C5orf24: variants seen among roughly 807,000 people sequenced by gnomAD.
C5orf24 encodes the protein chromosome 5 open reading frame 24.
C5orf24 carries 4 observed loss-of-function variants against 9.8 expected under a neutral mutation model. That is an observed-to-expected ratio of 0.41 (90% CI 0.20 to 0.93). The LOEUF is 0.93. Ranked by LOEUF, C5orf24 falls within the 40% of genes least tolerant of loss-of-function variation. The pLI is 0.33. For synonymous variants in C5orf24, 73 were observed against 81.3 expected, an observed-to-expected ratio of 0.90 and a Z score of 0.55; for missense variants, 170 against 236.9, an observed-to-expected ratio of 0.72 and a Z score of 1.85.
At chr5:134,837,932 T>C in the C5orf24 span, among the ~76,000 whole-genome samples, 1 of 152,196 alleles carries the variant, frequency 6.6e-6, no homozygotes, top group Non-Finnish European at 1.5e-5. Flanking sequence ...TTCATTTTTT[T>C]CCTATGTATA....
chr5:134,850,755 G>A (rs908116975), intron 1 of C5orf24, among the ~76,000 whole-genome samples: 1 of 151,868 alleles, frequency 6.6e-6, no homozygotes, highest in Non-Finnish European at 1.5e-5. Context: ...GGGATTAGAG[G>A]CATGAGTCAC....
the C5orf24 span, among the ~76,000 whole-genome samples, chr5:134,836,192 G>C: frequency 1.3e-4 from 2 of 15,876 alleles, no homozygotes; most frequent in African/African-American, 2.7e-4. Context: ...TTTTTTTTTT[G>C]AGACAGAGTT....
In C5orf24 at chr5:134,850,937, T is replaced by TATATACACAC. The variant is rs762710710; in HGVS notation, c.-3-3960_-3-3959insTATACACACA. Among the ~76,000 whole-genome samples, 55 of 147,052 alleles carry TATATACACAC rather than the reference T, an allele frequency of 3.7e-4. No homozygotes were observed. The East Asian group carries it at 4.3e-3, about 12-fold the overall frequency. On this transcript the variant is annotated intron_variant, in intron 1 of 1. Coordinates refer to ENST00000394976, the MANE Select transcript of C5orf24 (RefSeq NM_001135586.1). ...GAATGTTCATATATATATATATATA[T>TATATACACAC]ACACACACACACACACACTACACAC... is the stretch of plus-strand genomic sequence containing the variant.
chr5:134,859,333 G>C lies in C5orf24; in HGVS notation c.*3866G>C, dbSNP rs1335666681. 1 of 166,886 alleles carries C rather than the reference G, an allele frequency of 6.0e-6. No individual in the cohort carries two copies. The highest frequency in any genetic ancestry group is 1.5e-5 in the Non-Finnish European group (1 of 68,070). The allele number at this position is 166,886 out of a possible 1,614,324, so 10.3% of individuals were successfully genotyped here. On this transcript the variant is annotated 3_prime_UTR_variant, in exon 2 of 2. Coordinates refer to ENST00000394976, the MANE Select transcript of C5orf24 (RefSeq NM_001135586.1). ...TTTTATTACAGCTTAACTGTATGCT[G>C]TTAAACTCTAGGATGTATCTGAATC... is the stretch of plus-strand genomic sequence containing the variant.
intron 1 of C5orf24, 142 bp from the exon 2 acceptor site, chr5:134,854,756 T>C (rs1756262618): frequency 1.4e-6 from 1 of 726,744 alleles, no homozygotes; most frequent in Non-Finnish European, 2.2e-6. Flanking sequence ...TGTTTATAAG[T>C]GGTCTGGAGT....
chr5:134,850,534 G>A (rs1249159279), intron 1 of C5orf24, among the ~76,000 whole-genome samples: 3 of 146,326 alleles, frequency 2.1e-5, no homozygotes, highest in East Asian at 4.1e-4. Context: ...GTGCAATGTT[G>A]CGATCTTGGC....
At chr5:134,843,075 C>G (rs1269848843), upstream of C5orf24, among the ~76,000 whole-genome samples, 5 of 151,642 alleles carry the variant, frequency 3.3e-5, no homozygotes, top group African/African-American at 1.2e-4. Context: ...CTCTGGGGTT[C>G]AAGTGATTCT....
At chr5:134,845,096 G>A (rs1056702114), upstream of C5orf24, among the ~76,000 whole-genome samples, 1 of 152,214 alleles carries the variant, frequency 6.6e-6, no homozygotes, top group Non-Finnish European at 1.5e-5. Flanking sequence ...TCTGTCTCCA[G>A]TCCCTCAGTA....
chr5:134,859,080 C>G lies in C5orf24; in HGVS notation c.*3613C>G, dbSNP rs371291842. ...GTTGACCCATTCAGTGTAAAAATAA[C>G]CATAGTGTGTGAGCTAAAGAAAAAA... On this transcript the variant is annotated 3_prime_UTR_variant, in exon 2 of 2. Transcript: ENST00000394976. The G allele has an allele frequency of 2.4e-5, 4 of 166,482 alleles. No individual in the cohort carries two copies. In the South Asian group the frequency reaches 8.3e-4, roughly 35 times the overall value. 10.3% of individuals were successfully genotyped at this position (166,482 alleles called of 1,614,324 possible).
intron 1 of C5orf24, among the ~76,000 whole-genome samples, chr5:134,852,461 G>A (rs1756183557): frequency 6.6e-6 from 1 of 152,188 alleles, no homozygotes; most frequent in South Asian, 2.1e-4. Flanking sequence ...AACAGAATTT[G>A]ATTCTGTGAC....
upstream of C5orf24, among the ~76,000 whole-genome samples, chr5:134,844,469 G>A (rs557329686): frequency 1.3e-5 from 2 of 152,046 alleles, no homozygotes; most frequent in African/African-American, 4.8e-5. Context: ...CTCAGCCTCC[G>A]TAGCAGCTGG....
intron 1 of C5orf24, among the ~76,000 whole-genome samples, chr5:134,850,137 G>A (rs77318516): frequency 0.019 from 2,952 of 152,116 alleles, 106 homozygotes; most frequent in African/African-American, 0.068. Flanking sequence ...TGAAGAAATG[G>A]AGATATGTGG....
Position 134,850,994 on chromosome 5 carries a change from A to ATATTTATTTATT in C5orf24, c.-3-3874_-3-3863dup, listed in dbSNP as rs34043118. 1.9e-4 allele frequency among the ~76,000 whole-genome samples: 28 copies of ATATTTATTTATT among 147,600 alleles called. No individual in the cohort carries two copies. In the East Asian group the frequency reaches 2.2e-3, roughly 11 times the overall value. Reference sequence around the variant, plus strand: ...ATATTTTATACATACAGAAATACATATATTTATTTATTTATTTATTTATTT... The same window carrying ATATTTATTTATT: ...ATATTTTATACATACAGAAATACATATATTTATTTATTTATTTATTTATTTATTTATTTATTT... On this transcript the variant is annotated intron_variant, in intron 1 of 1. Transcript: ENST00000394976.
At position 134,857,852 on chromosome 5, in the gene C5orf24, T is replaced by C. The variant is rs1206797255; in HGVS notation, c.*2385T>C. On this transcript the variant is annotated 3_prime_UTR_variant, in exon 2 of 2. Coordinates refer to ENST00000394976, the MANE Select transcript of C5orf24 (RefSeq NM_001135586.1). ...AAGATTTGATTATTGTGTTTTATAG[T>C]AAGTCCATTTGACATTTATTTCCCT... 2 of 167,944 alleles carry C rather than the reference T, an allele frequency of 1.2e-5. No homozygotes were observed. Among genetic ancestry groups the C allele is most frequent in the African/African-American group, 4.8e-5 (2 of 41,504 alleles). 10.4% of individuals were successfully genotyped at this position (167,944 alleles called of 1,614,324 possible).
intron 1 of C5orf24, among the ~76,000 whole-genome samples, chr5:134,852,546 T>C (rs1283463416): frequency 2.0e-5 from 3 of 152,258 alleles, no homozygotes; most frequent in Middle Eastern, 6.3e-3. Context: ...ATTACCTGTT[T>C]GCAGCCTCTA....
chr5:134,836,793 C>T, the C5orf24 span, among the ~76,000 whole-genome samples: 1 of 149,570 alleles, frequency 6.7e-6, no homozygotes, highest in African/African-American at 2.5e-5. Context: ...CCGCCCACCT[C>T]GGCCTCCCAA....
At position 134,857,523 on chromosome 5, in the gene C5orf24, A is replaced by T; in HGVS notation, c.*2056A>T. On this transcript the variant is annotated 3_prime_UTR_variant, in exon 2 of 2. Transcript: ENST00000394976. ...ATTAGCTTTGCACAAACCATAGAGA[A>T]CGATGTTGGATGGTTACATAATCAG... 8.1e-7 allele frequency: 1 copy of T among 1,227,940 alleles called. No individual in the cohort carries two copies. Among genetic ancestry groups the T allele is most frequent in the Non-Finnish European group, 1.1e-6 (1 of 938,444 alleles). 76.1% of individuals were successfully genotyped at this position (1,227,940 alleles called of 1,614,324 possible).
At chr5:134,846,529 A>G (rs1756001197) in intron 1 of C5orf24, 1 of 152,168 alleles carries the variant, frequency 6.6e-6, no homozygotes, top group East Asian at 1.9e-4. Flanking sequence ...GTGGACTTCT[A>G]CGCTTGCGGA....
In C5orf24 at chr5:134,854,992, A is replaced by G. The variant is rs1229976389; in HGVS notation, c.92A>G (p.Gln31Arg). 6.2e-7 allele frequency: 1 copy of G among 1,614,078 alleles called. No individual in the cohort carries two copies. Among genetic ancestry groups the G allele is most frequent in the Admixed American group, 1.7e-5 (1 of 59,968 alleles). ...GAAGATGCCATGAGAGCTGCTGATC[A>G]GTTTGACATATATTCCTCCCAGCAA... ...LNEDAMRAAD[Q>R]FDIYSSQQSK... Residue 31 changes from glutamine to arginine, a missense_variant, in exon 2 of 2, where the codon CAG (glutamine) becomes CGG (arginine). This residue lies in a region of C5orf24 where 93 missense variants were observed against 104.5 expected (regional missense o/e 0.89). Coordinates refer to ENST00000394976, the MANE Select transcript of C5orf24 (RefSeq NM_001135586.1).
Sources: gnomAD v4.1 joint callset for allele counts (sites outside exome capture counted in the v4.1 genomes callset) on GRCh38, gnomAD v4.1.1 for gene constraint, gnomAD v4.1.1 regional missense constraint, MANE v1.5 for transcripts, NCBI Gene and HGNC (gene_info 2026-07-23, HGNC 2026-07-21) for gene names.